CHRM3: variants seen among roughly 807,000 people sequenced by gnomAD.
CHRM3 encodes muscarinic acetylcholine receptor M3.
Under a neutral mutation model 41.8 loss-of-function variants are expected in CHRM3, and 11 were observed. The ratio of observed to expected loss-of-function variants is 0.26; its 90% confidence interval spans 0.17 to 0.44. The LOEUF (loss-of-function observed/expected upper bound fraction) is 0.44, where lower values mean the gene tolerates loss of function less well. Among genes scored for constraint, CHRM3 ranks in the 20% least tolerant of loss-of-function variants. CHRM3 has a pLI of 1.00. For missense variants in CHRM3, 571 were observed against 745.4 expected, an observed-to-expected ratio of 0.77 and a Z score of 2.72; for synonymous variants, 297 against 301.4, an observed-to-expected ratio of 0.99 and a Z score of 0.15.
chr1:239,857,865 T>C (rs1212329628), intron 6 of CHRM3, among the ~76,000 whole-genome samples: 1 of 152,206 alleles, frequency 6.6e-6, no homozygotes, highest in Admixed American at 6.5e-5. Context: ...TTTGCCACTA[T>C]TGCCACCTGT....
intron 6 of CHRM3, among the ~76,000 whole-genome samples, chr1:239,879,945 C>A (rs756940100): frequency 6.6e-6 from 1 of 152,156 alleles, no homozygotes; most frequent in Non-Finnish European, 1.5e-5. Flanking sequence ...ATATGATATT[C>A]CAGTGAGTTT....
chr1:239,677,506 G>A (rs1464317628), intron 4 of CHRM3, among the ~76,000 whole-genome samples: 1 of 152,172 alleles, frequency 6.6e-6, no homozygotes, highest in Non-Finnish European at 1.5e-5. Flanking sequence ...CAATTTTGGG[G>A]GCTGGGAAGT....
chr1:239,744,897 G>A (rs1475254529), intron 5 of CHRM3, among the ~76,000 whole-genome samples: 4 of 152,146 alleles, frequency 2.6e-5, no homozygotes, highest in African/African-American at 9.7e-5. Flanking sequence ...GTGGGATCCT[G>A]AGCCTTGCAT....
At chr1:239,698,796 C>A (rs1176516225) in intron 5 of CHRM3, among the ~76,000 whole-genome samples, 1 of 152,106 alleles carries the variant, frequency 6.6e-6, no homozygotes, top group African/African-American at 2.4e-5. Flanking sequence ...TATACAGGTG[C>A]CATCCCTCCA....
At chr1:239,410,819 T>C (rs1411449331) in intron 1 of CHRM3, among the ~76,000 whole-genome samples, 1 of 152,222 alleles carries the variant, frequency 6.6e-6, no homozygotes, top group Non-Finnish European at 1.5e-5. Flanking sequence ...TCATGCTTAG[T>C]TTCCAAGCGG....
At chr1:239,399,333 GAT>G (rs1491239370) in intron 1 of CHRM3, among the ~76,000 whole-genome samples, 11 of 140,036 alleles carry the variant, frequency 7.9e-5, no homozygotes, top group African/African-American at 3.2e-4. Context: ...CATGACCTCT[GAT>G]TTTTTTTTTT....
At chr1:239,577,857 T>C (rs185284527) in intron 3 of CHRM3, among the ~76,000 whole-genome samples, 12 of 152,232 alleles carry the variant, frequency 7.9e-5, no homozygotes, top group Admixed American at 7.2e-4. Flanking sequence ...GTCACTGGCA[T>C]CCTCTAAAGT....
chr1:239,710,530 A>G (rs1271155253), intron 5 of CHRM3, among the ~76,000 whole-genome samples: 1 of 152,122 alleles, frequency 6.6e-6, no homozygotes, highest in African/African-American at 2.4e-5. Flanking sequence ...GTGACATATG[A>G]GCAGGAGGGT....
chr1:239,599,295 G>T (rs775860500), intron 3 of CHRM3, among the ~76,000 whole-genome samples: 1 of 152,148 alleles, frequency 6.6e-6, no homozygotes, highest in South Asian at 2.1e-4. Flanking sequence ...CAGTGACAAC[G>T]CTCTCCCTCA....
intron 1 of CHRM3, among the ~76,000 whole-genome samples, chr1:239,418,060 A>T (rs1661645592): frequency 6.6e-6 from 1 of 152,226 alleles, no homozygotes; most frequent in Non-Finnish European, 1.5e-5. Context: ...TAAAATGTAT[A>T]TACATTTAGA....
intron 6 of CHRM3, among the ~76,000 whole-genome samples, chr1:239,862,961 C>A (rs1187560464): frequency 6.6e-6 from 1 of 152,140 alleles, no homozygotes; most frequent in Admixed American, 6.5e-5. Flanking sequence ...TCACTCTAAC[C>A]TTTGTATCAT....
intron 5 of CHRM3, among the ~76,000 whole-genome samples, chr1:239,766,080 CTGGGATT>C (rs1667181633): frequency 6.6e-6 from 1 of 152,088 alleles, no homozygotes; most frequent in African/African-American, 2.4e-5. Context: ...TCCCAAAGTG[CTGGGATT>C]ACAGGCATGA....
intron 1 of CHRM3, among the ~76,000 whole-genome samples, chr1:239,404,952 T>A (rs1660479908): frequency 6.6e-6 from 1 of 151,848 alleles, no homozygotes. Flanking sequence ...ATCATGTATA[T>A]TATTTATATA....
At position 239,568,119 on chromosome 1, in the gene CHRM3, C is replaced by G. The variant is rs926826963; in HGVS notation, c.-313+22370C>G. The stretch of plus-strand genomic sequence containing the variant: ...ACTCAGCCTCCTGGACAGCCAGGTT[C>G]AGTTTCATATGGTGGCTATCCTCCA... On this transcript the variant is annotated intron_variant, in intron 3 of 6. Coordinates refer to ENST00000676153, the MANE Select transcript of CHRM3 (RefSeq NM_001375978.1). Among the ~76,000 whole-genome samples, 72 of 152,184 alleles carry G rather than the reference C, an allele frequency of 4.7e-4. 1 individual carries two copies. Among genetic ancestry groups the G allele is most frequent in the African/African-American group, 1.7e-3 (71 of 41,552 alleles).
chr1:239,768,248 A>C (rs972082676), intron 5 of CHRM3, among the ~76,000 whole-genome samples: 1 of 152,168 alleles, frequency 6.6e-6, no homozygotes, highest in African/African-American at 2.4e-5. Context: ...CCTAAAGCAT[A>C]TCTTAGGATT....
chr1:239,821,454 G>A (rs907831365), intron 5 of CHRM3, among the ~76,000 whole-genome samples: 12 of 152,064 alleles, frequency 7.9e-5, no homozygotes, highest in African/African-American at 2.9e-4. Flanking sequence ...CCACTATCAG[G>A]ATATTCCCAG....
Position 239,900,673 on chromosome 1 carries a change from G to C in CHRM3, c.-19-6760G>C, listed in dbSNP as rs889097528. On this transcript the variant is annotated intron_variant, in intron 6 of 6. Transcript: ENST00000676153. ...TCACCTGGGCTGTCGAGAAAAGACA[G>C]TGTGCTCAGAAGAGGTATGGCAGGT... Among the ~76,000 whole-genome samples the C allele has an allele frequency of 2.6e-5, 4 of 152,164 alleles. No homozygotes were observed. In the East Asian group the frequency reaches 7.7e-4, roughly 29 times the overall value.
In CHRM3 at chr1:239,404,468, A is replaced by AAGAAAGAAAGAAAGAAAGAG. The variant is rs397954107; in HGVS notation, c.-521+17242_-521+17243insGAAAGAAAGAAAGAAAGAGA. 1.5e-4 allele frequency among the ~76,000 whole-genome samples: 14 copies of AAGAAAGAAAGAAAGAAAGAG among 90,364 alleles called. 1 individual carries two copies. Among genetic ancestry groups the AAGAAAGAAAGAAAGAAAGAG allele is most frequent in the South Asian group, 9.4e-4 (2 of 2,126 alleles). The allele number at this position is 90,364 out of a possible 152,430, so 59.3% of individuals were successfully genotyped here. The stretch of plus-strand genomic sequence containing the variant: ...AAAGAAAGAAAGAAAGAAAGAAAGA[A>AAGAAAGAAAGAAAGAAAGAG]AAAGAAAGAAAGAAAGGAACATTTA... On this transcript the variant is annotated intron_variant, in intron 1 of 6. Transcript: ENST00000676153.
intron 5 of CHRM3, among the ~76,000 whole-genome samples, chr1:239,723,867 A>G (rs758063873): frequency 2.2e-4 from 33 of 151,868 alleles, no homozygotes; most frequent in Non-Finnish European, 1.6e-4. Flanking sequence ...AGAAGTTTGC[A>G]TCCTGTCTGC....
Sources: allele counts gnomAD v4.1 joint callset (sites outside exome capture counted in the v4.1 genomes callset), GRCh38; gene constraint gnomAD v4.1.1; transcripts MANE v1.5; gene names NCBI Gene and HGNC (gene_info 2026-07-23, HGNC 2026-07-21).